The following HUNK variants were observed in gnomAD, a reference collection of about 807,000 sequenced individuals.
The protein encoded by HUNK is hormonally up-regulated Neu-associated kinase.
In HUNK, 21 loss-of-function variants were observed where a neutral mutation model predicts 61.0. The observed-to-expected ratio is 0.34, with a 90% confidence interval of 0.24 to 0.50. HUNK has a LOEUF of 0.50. Ranked by LOEUF, HUNK falls within the 20% of genes least tolerant of loss-of-function variation. HUNK has a pLI of 0.98. For missense variants in HUNK, 772 were observed against 945.7 expected (o/e 0.82, Z 2.41); for synonymous variants, 371 against 386.1 (o/e 0.96, Z 0.46).
Position 31,968,246 on chromosome 21 carries a change from C to T in HUNK, c.875-4C>T. On this transcript the variant is annotated splice_region_variant and splice_polypyrimidine_tract_variant and intron_variant, in intron 5 of 10. Transcript: ENST00000270112. ...GCGTGCATTCTTTCCCAAATGTCTC[C>T]CAGGTGCCATCAGTTTCCTGCGCTC... 1 of 1,614,158 alleles carries T rather than the reference C, an allele frequency of 6.2e-7. No homozygotes were observed. Among genetic ancestry groups the T allele is most frequent in the East Asian group, 2.2e-5 (1 of 44,884 alleles).
intron 1 of HUNK, among the ~76,000 whole-genome samples, chr21:31,903,918 T>C (rs2052487175): frequency 6.6e-6 from 1 of 152,242 alleles, no homozygotes; most frequent in Admixed American, 6.5e-5. Flanking sequence ...TTTTGTTTTC[T>C]GATAGCTGAT....
intron 3 of HUNK, among the ~76,000 whole-genome samples, chr21:31,942,639 T>C (rs1238215402): frequency 2.6e-5 from 4 of 152,184 alleles, no homozygotes; most frequent in African/African-American, 9.7e-5. Context: ...CCAGGAACCA[T>C]TTTATTCAAA....
intron 1 of HUNK, among the ~76,000 whole-genome samples, chr21:31,880,471 G>A (rs2123787061): frequency 6.6e-6 from 1 of 152,192 alleles, no homozygotes; most frequent in East Asian, 1.9e-4. Context: ...TTCCGGTGGT[G>A]GCCAGCACTC....
At chr21:31,915,529 C>T (rs757894030) in intron 1 of HUNK, among the ~76,000 whole-genome samples, 1 of 152,196 alleles carries the variant, frequency 6.6e-6, no homozygotes, top group Non-Finnish European at 1.5e-5. Flanking sequence ...TATATTTCTG[C>T]GATATTAAAG....
chr21:31,896,255 T>C (rs2052424240), intron 1 of HUNK, among the ~76,000 whole-genome samples: 1 of 152,208 alleles, frequency 6.6e-6, no homozygotes. Context: ...ACACTCTTCA[T>C]ACACCTCCAT....
intron 7 of HUNK, among the ~76,000 whole-genome samples, chr21:31,976,673 G>A (rs1269991162): frequency 2.0e-5 from 3 of 151,434 alleles, no homozygotes; most frequent in East Asian, 3.9e-4. Context: ...TGCCATATTG[G>A]CCAGGCTGGT....
intron 2 of HUNK, among the ~76,000 whole-genome samples, chr21:31,936,669 A>G (rs1310526906): frequency 6.6e-6 from 1 of 152,132 alleles, no homozygotes; most frequent in Non-Finnish European, 1.5e-5. Context: ...TTTGCCTAAT[A>G]ATTATTTTTA....
intron 9 of HUNK, among the ~76,000 whole-genome samples, chr21:31,991,689 G>A (rs567416326): frequency 6.6e-6 from 1 of 152,338 alleles, no homozygotes; most frequent in East Asian, 1.9e-4. Context: ...AAACAGCCTG[G>A]TGAGGCTTAT....
At chr21:31,954,233 C>G (rs2052872347) in intron 4 of HUNK, among the ~76,000 whole-genome samples, 1 of 152,174 alleles carries the variant, frequency 6.6e-6, no homozygotes, top group Non-Finnish European at 1.5e-5. Context: ...ACACCCCCAC[C>G]TGGGACAGGA....
intron 3 of HUNK, among the ~76,000 whole-genome samples, chr21:31,941,606 T>G (rs1374667744): frequency 6.6e-6 from 1 of 152,136 alleles, no homozygotes; most frequent in African/African-American, 2.4e-5. Context: ...CATGCCTGGC[T>G]GATTTTCTTT....
At chr21:31,941,091 A>G (rs939981684) in intron 3 of HUNK, among the ~76,000 whole-genome samples, 1 of 152,172 alleles carries the variant, frequency 6.6e-6, no homozygotes, top group African/African-American at 2.4e-5. Flanking sequence ...GACTTATTAG[A>G]TATTTTGGGA....
Position 31,973,514 on chromosome 21 carries a change from C to T in HUNK, c.1011-1041C>T, listed in dbSNP as rs548380171. Among the ~76,000 whole-genome samples, 10 of 152,252 alleles carry T rather than the reference C, an allele frequency of 6.6e-5. No homozygotes were observed. In the South Asian group the frequency reaches 1.7e-3, roughly 25 times the overall value. The stretch of plus-strand genomic sequence containing the variant: ...GACACAGCCCCACTACCAACACATA[C>T]ACTCCCTTAGAGCCCTCCCCCTGAT... On this transcript the variant is annotated intron_variant, in intron 6 of 10. Transcript: ENST00000270112.
intron 2 of HUNK, among the ~76,000 whole-genome samples, chr21:31,928,967 T>A (rs960885204): frequency 6.6e-6 from 1 of 152,114 alleles, no homozygotes; most frequent in Non-Finnish European, 1.5e-5. Flanking sequence ...AGTAAATACA[T>A]TGGATGATGC....
chr21:31,900,265 C>T (rs1299232861), intron 1 of HUNK, among the ~76,000 whole-genome samples: 2 of 152,138 alleles, frequency 1.3e-5, no homozygotes, highest in African/African-American at 2.4e-5. Context: ...TGAAATGCCA[C>T]GTTAGTTCTT....
chr21:31,892,662 T>G (rs2052399518), intron 1 of HUNK, among the ~76,000 whole-genome samples: 1 of 152,040 alleles, frequency 6.6e-6, no homozygotes, highest in Non-Finnish European at 1.5e-5. Flanking sequence ...ATTTCCGCCT[T>G]AAAAGTATGT....
At chr21:31,900,796 A>G (rs1186475321) in intron 1 of HUNK, among the ~76,000 whole-genome samples, 1 of 152,238 alleles carries the variant, frequency 6.6e-6, no homozygotes, top group African/African-American at 2.4e-5. Context: ...GGGTAGTTTC[A>G]GTATGGATCA....
At position 31,901,835 on chromosome 21, in the gene HUNK, C is replaced by G. The variant is rs1320530249; in HGVS notation, c.262-22633C>G. On this transcript the variant is annotated intron_variant, in intron 1 of 10. Coordinates refer to ENST00000270112, the MANE Select transcript of HUNK (RefSeq NM_014586.2). ...TTTCTTTGGTCACATTGAACTACTA[C>G]CTGATTTAGGTGTTCACAATGATCA... Among the ~76,000 whole-genome samples, 3 of 152,038 alleles carry G rather than the reference C, an allele frequency of 2.0e-5. No homozygotes were observed. The East Asian group carries it at 5.8e-4, about 29-fold the overall frequency.
chr21:31,936,559 G>T lies in HUNK; in HGVS notation c.555-3606G>T, dbSNP rs773387307. ...TGGACAAATAACCCAGGTTAACCAG[G>T]TTTATTCTGTGCATTTTTCTTAGGG... On this transcript the variant is annotated intron_variant, in intron 2 of 10. Coordinates refer to ENST00000270112, the MANE Select transcript of HUNK (RefSeq NM_014586.2). 8.8e-4 allele frequency among the ~76,000 whole-genome samples: 134 copies of T among 152,146 alleles called. 1 individual carries two copies. The highest frequency in any genetic ancestry group is 8.8e-4 in the Non-Finnish European group (60 of 68,038).
chr21:31,979,992 C>A (rs1250149629), intron 7 of HUNK, among the ~76,000 whole-genome samples: 1 of 152,168 alleles, frequency 6.6e-6, no homozygotes, highest in Non-Finnish European at 1.5e-5. Flanking sequence ...TCCAAAAAAT[C>A]ATTGTCCAGA....
Sources: gnomAD v4.1 joint callset for allele counts (sites outside exome capture counted in the v4.1 genomes callset) on GRCh38, gnomAD v4.1.1 for gene constraint, MANE v1.5 for transcripts, NCBI Gene and HGNC (gene_info 2026-07-23, HGNC 2026-07-21) for gene names.